Variants in LHFPL3 observed in about 807,000 individuals in gnomAD.
LHFPL3 encodes the protein LHFPL tetraspan subfamily member 3 protein.
In LHFPL3, 5 loss-of-function variants were observed where a neutral mutation model predicts 19.3. The ratio of observed to expected loss-of-function variants is 0.26; its 90% CI spans 0.14 to 0.54. LHFPL3 has a LOEUF of 0.54. Ranked by LOEUF, LHFPL3 falls within the 20% of genes least tolerant of loss-of-function variation. LHFPL3 has a pLI of 0.94. For synonymous variants in LHFPL3, 133 were observed against 126.2 expected, an observed-to-expected ratio of 1.05 and a Z score of -0.36; for missense variants, 249 against 307.4, an observed-to-expected ratio of 0.81 and a Z score of 1.42.
chr7:104,430,447 TATATATA>T (rs1223672502), intron 1 of LHFPL3, among the ~76,000 whole-genome samples: 4 of 23,862 alleles, frequency 1.7e-4, no homozygotes, highest in South Asian at 1.4e-3. Flanking sequence ...TATATATATA[TATATATA>T]TTTTTTTTTT....
At chr7:104,718,324 A>G (rs1793429343) in intron 1 of LHFPL3, among the ~76,000 whole-genome samples, 1 of 152,176 alleles carries the variant, frequency 6.6e-6, no homozygotes, top group African/African-American at 2.4e-5. Flanking sequence ...ATTAAGGGGG[A>G]AAAAAGCTGC....
chr7:104,444,246 A>G (rs1366046993), intron 1 of LHFPL3, among the ~76,000 whole-genome samples: 1 of 152,208 alleles, frequency 6.6e-6, no homozygotes, highest in East Asian at 1.9e-4. Context: ...AAATCCATGC[A>G]TGTTGGCTCT....
chr7:104,640,661 C>G (rs577569540), intron 1 of LHFPL3, among the ~76,000 whole-genome samples: 1 of 152,116 alleles, frequency 6.6e-6, no homozygotes, highest in Non-Finnish European at 1.5e-5. Context: ...TCTGTTGTTT[C>G]CAGACTTTTT....
chr7:104,781,959 A>T (rs1794722712), intron 2 of LHFPL3, among the ~76,000 whole-genome samples: 2 of 152,200 alleles, frequency 1.3e-5, no homozygotes, highest in Non-Finnish European at 2.9e-5. Flanking sequence ...TGTTCCAGTT[A>T]TCTATTATCA....
intron 1 of LHFPL3, among the ~76,000 whole-genome samples, chr7:104,661,848 C>CT (rs1264145825): frequency 1.3e-5 from 2 of 152,122 alleles, no homozygotes; most frequent in Non-Finnish European, 2.9e-5. Flanking sequence ...CACTTTATGG[C>CT]TTTTTTGGCA....
At chr7:104,829,467 C>T (rs1255371345) in intron 2 of LHFPL3, among the ~76,000 whole-genome samples, 1 of 151,804 alleles carries the variant, frequency 6.6e-6, no homozygotes, top group Non-Finnish European at 1.5e-5. Flanking sequence ...TCTCCTAATG[C>T]TATCCCTCCC....
intron 1 of LHFPL3, among the ~76,000 whole-genome samples, chr7:104,330,176 C>A (rs1801542834): frequency 6.6e-6 from 1 of 152,218 alleles, no homozygotes; most frequent in African/African-American, 2.4e-5. Flanking sequence ...TGCTGTACTT[C>A]CCCTGATGGC....
intron 2 of LHFPL3, among the ~76,000 whole-genome samples, chr7:104,757,133 G>T (rs1297932839): frequency 1.3e-5 from 2 of 152,180 alleles, no homozygotes; most frequent in South Asian, 2.1e-4. Flanking sequence ...AATAAATAGT[G>T]CTGGGATAGC....
At chr7:104,690,643 G>A (rs1384248214) in intron 1 of LHFPL3, among the ~76,000 whole-genome samples, 1 of 152,204 alleles carries the variant, frequency 6.6e-6, no homozygotes, top group Non-Finnish European at 1.5e-5. Context: ...CCCATGGCAT[G>A]GGGCCTGTCA....
chr7:104,653,019 C>T (rs1792059161), intron 1 of LHFPL3, among the ~76,000 whole-genome samples: 1 of 144,472 alleles, frequency 6.9e-6, no homozygotes, highest in African/African-American at 2.6e-5. Context: ...GAGACAGGGC[C>T]CTACCTTCAG....
At chr7:104,888,625 A>G (rs2116700879) in intron 2 of LHFPL3, among the ~76,000 whole-genome samples, 1 of 152,364 alleles carries the variant, frequency 6.6e-6, no homozygotes, top group African/African-American at 2.4e-5. Context: ...ATGGGGATTC[A>G]GAGATGTAAG....
At chr7:104,585,554 A>G (rs1195455847) in intron 1 of LHFPL3, among the ~76,000 whole-genome samples, 2 of 150,544 alleles carry the variant, frequency 1.3e-5, no homozygotes, top group African/African-American at 2.4e-5. Context: ...TTAAGAGAAC[A>G]GAAGCCTTTG....
At chr7:104,456,092 A>T (rs1230261524) in intron 1 of LHFPL3, among the ~76,000 whole-genome samples, 1 of 152,200 alleles carries the variant, frequency 6.6e-6, no homozygotes, top group African/African-American at 2.4e-5. Context: ...CTCTACATAA[A>T]CAAATAAAAT....
intron 1 of LHFPL3, among the ~76,000 whole-genome samples, chr7:104,526,759 A>T (rs972819539): frequency 3.9e-5 from 6 of 152,246 alleles, no homozygotes; most frequent in African/African-American, 4.8e-5. Flanking sequence ...TGAATCTAGC[A>T]TTAATCACAT....
intron 1 of LHFPL3, among the ~76,000 whole-genome samples, chr7:104,346,921 C>T (rs1273008256): frequency 6.8e-6 from 1 of 146,760 alleles, no homozygotes; most frequent in Non-Finnish European, 1.5e-5. Flanking sequence ...GCCATTATAC[C>T]ATACTAGATA....
At chr7:104,563,000 C>T (rs1157057328) in intron 1 of LHFPL3, among the ~76,000 whole-genome samples, 1 of 152,200 alleles carries the variant, frequency 6.6e-6, no homozygotes, top group African/African-American at 2.4e-5. Context: ...GCTCGGGGGT[C>T]AGGGGTCAGG....
intron 1 of LHFPL3, among the ~76,000 whole-genome samples, chr7:104,657,171 G>C (rs2115967374): frequency 6.6e-6 from 1 of 152,300 alleles, no homozygotes; most frequent in South Asian, 2.1e-4. Flanking sequence ...CTCTCCAAGT[G>C]GTTCTTAAGC....
At chr7:104,476,074 G>A (rs1382698185) in intron 1 of LHFPL3, among the ~76,000 whole-genome samples, 7 of 152,098 alleles carry the variant, frequency 4.6e-5, no homozygotes, top group Admixed American at 4.6e-4. Flanking sequence ...TTTATTGTTG[G>A]AAACACTTAT....
chr7:104,850,024 C>T (rs1007964534), intron 2 of LHFPL3, among the ~76,000 whole-genome samples: 6 of 152,062 alleles, frequency 3.9e-5, no homozygotes, highest in East Asian at 1.9e-4. Context: ...TTTTTTAGGC[C>T]GGGCGCGGTG....
Sources: gnomAD v4.1 joint callset for allele counts (sites outside exome capture counted in the v4.1 genomes callset) on GRCh38, gnomAD v4.1.1 for gene constraint, MANE v1.5 for transcripts, NCBI Gene and HGNC (gene_info 2026-07-23, HGNC 2026-07-21) for gene names.